Variants in GOLGB1 observed in about 807,000 individuals in gnomAD.
GOLGB1 encodes golgin B1.
GOLGB1 carries 174 observed loss-of-function variants against 336.9 expected under a neutral mutation model. The ratio of observed to expected loss-of-function variants is 0.52; its 90% CI spans 0.46 to 0.59. GOLGB1 has a LOEUF of 0.59. Ranked by LOEUF, GOLGB1 falls within the 20% of genes least tolerant of loss-of-function variation. The pLI, the probability that GOLGB1 is intolerant of heterozygous loss-of-function variation, is 0.00. For missense variants in GOLGB1, 3,331 were observed against 3,645.3 expected, an observed-to-expected ratio of 0.91 and a Z score of 2.22; for synonymous variants, 1,208 against 1,289.2, an observed-to-expected ratio of 0.94 and a Z score of 1.35.
chr3:121,733,062 G>C (rs569330840), intron 1 of GOLGB1, among the ~76,000 whole-genome samples: 1 of 151,962 alleles, frequency 6.6e-6, no homozygotes, highest in Non-Finnish European at 1.5e-5. Context: ...GGTAGCTCAC[G>C]CCTGTAATCC....
chr3:121,744,036 C>A (rs930537595), intron 1 of GOLGB1, among the ~76,000 whole-genome samples: 6 of 152,056 alleles, frequency 3.9e-5, no homozygotes, highest in African/African-American at 1.4e-4. Context: ...TTCTGATTGA[C>A]CCTCCCTAGA....
rs755658970 is a variant in GOLGB1 at position 121,673,686 on chromosome 3, G to GCTATCTATCCATCTATCTAT, written c.9177+3206_9177+3207insATAGATAGATGGATAGATAG. On this transcript the variant is annotated intron_variant, in intron 17 of 21. Transcript: ENST00000614479. Reference sequence around the variant, plus strand: ...CTTTGTAGCTATTATAAATGGGATTGCTATCTATCTATCTATCTATCTATC... The same window carrying GCTATCTATCCATCTATCTAT: ...CTTTGTAGCTATTATAAATGGGATTGCTATCTATCCATCTATCTATCTATCTATCTATCTATCTATCTATC... 3.4e-5 allele frequency among the ~76,000 whole-genome samples: 5 copies of GCTATCTATCCATCTATCTAT among 145,564 alleles called. No individual in the cohort carries two copies. The South Asian group carries it at 1.1e-3, about 32-fold the overall frequency.
chr3:121,667,364 T>G, intron 20 of GOLGB1, 112 bp downstream of exon 20: 2 of 1,121,968 alleles, frequency 1.8e-6, no homozygotes, highest in Non-Finnish European at 2.5e-6. Context: ...TTGCAGCAAC[T>G]ACCTCAAGAT....
At position 121,730,122 on chromosome 3, in the gene GOLGB1, T is replaced by G. The variant is rs1576455005; in HGVS notation, c.97-105A>C. Reference sequence around the variant, plus strand: ...TTATGTTTTGCCCAATTCATATTCTTGTTAACTTAAGAATCTAACTCTGAT... The same window carrying G: ...TTATGTTTTGCCCAATTCATATTCTGGTTAACTTAAGAATCTAACTCTGAT... On this transcript the variant is annotated intron_variant, in intron 2 of 21. Coordinates refer to ENST00000614479, the MANE Select transcript of GOLGB1 (RefSeq NM_001366282.2). 4 of 684,544 alleles carry G rather than the reference T, an allele frequency of 5.8e-6. No homozygotes were observed. In the East Asian group the frequency reaches 1.1e-4, roughly 18 times the overall value. 42.4% of individuals were successfully genotyped at this position (684,544 alleles called of 1,614,324 possible).
chr3:121,721,987 C>T (rs1945229915), intron 6 of GOLGB1, among the ~76,000 whole-genome samples: 1 of 152,170 alleles, frequency 6.6e-6, no homozygotes, highest in Non-Finnish European at 1.5e-5. Flanking sequence ...AGTTTCTGGA[C>T]ATGCAGAACT....
Position 121,695,078 on chromosome 3 carries a change from T to C in GOLGB1, c.5445A>G (p.Thr1815=). 6.2e-7 allele frequency: 1 copy of C among 1,614,148 alleles called. No homozygotes were observed. ...TCGCTGATGGAACCGATTCTGAACA[T>C]GTAGGTCTTGTGCTCATACTCAGAG... ...QDSLSMSTRP[T]CSESVPSAKS... The change falls in exon 13 of 22, where the codon ACA becomes ACG. Residue 1815 remains threonine (T), a synonymous_variant. Coordinates refer to ENST00000614479, the MANE Select transcript of GOLGB1 (RefSeq NM_001366282.2).
intron 1 of GOLGB1, among the ~76,000 whole-genome samples, chr3:121,731,466 C>T (rs1207282588): frequency 1.3e-5 from 2 of 151,786 alleles, no homozygotes; most frequent in African/African-American, 2.4e-5. Context: ...TGGGCTCAAG[C>T]GATCCTGCCA....
chr3:121,685,285 C>G (rs1384210609), intron 14 of GOLGB1, among the ~76,000 whole-genome samples: 1 of 152,040 alleles, frequency 6.6e-6, no homozygotes, highest in African/African-American at 2.4e-5. Flanking sequence ...GCCTGTAATC[C>G]CAACACTTTG....
chr3:121,668,672 CAAAAAAAAAAAAA>C (rs138891151), intron 18 of GOLGB1, among the ~76,000 whole-genome samples: 1 of 66,630 alleles, frequency 1.5e-5, no homozygotes, highest in East Asian at 4.8e-4. Context: ...GACTCCGTCT[CAAAAAAAAAAAAA>C]AAAAAAAAAA....
At chr3:121,712,299 C>T (rs1171639516) in intron 10 of GOLGB1, among the ~76,000 whole-genome samples, 2 of 151,944 alleles carry the variant, frequency 1.3e-5, no homozygotes, top group Non-Finnish European at 2.9e-5. Flanking sequence ...ACAACACACA[C>T]AAAAATTCAT....
At position 121,667,504 on chromosome 3, in the gene GOLGB1, G is replaced by A. The variant is rs1337107489; in HGVS notation, c.9526C>T (p.Leu3176Phe). Residue 3176 changes from leucine to phenylalanine, a missense_variant, in exon 20 of 22, where the codon CTC becomes TTC. By Grantham distance (22) the Leu-to-Phe change is conservative. Transcript: ENST00000614479. ...RDQRVAAENA[L>F]SVAEEQIRRL... ...CTGATCTGCTCCTCGGCCACAGAGAGAGCATTCTCAGCAGCCACTCTTTGG... is the reference window on the plus strand; with the variant it reads ...CTGATCTGCTCCTCGGCCACAGAGAAAGCATTCTCAGCAGCCACTCTTTGG... 1.9e-6 allele frequency: 3 copies of A among 1,613,982 alleles called. No homozygotes were observed.
chr3:121,718,763 A>T (rs919986052), intron 7 of GOLGB1, among the ~76,000 whole-genome samples: 1 of 152,144 alleles, frequency 6.6e-6, no homozygotes. Context: ...AAAAATTAGA[A>T]AAAACAATAA....
chr3:121,718,523 C>A (rs1944943758), intron 7 of GOLGB1, 22 bp from the exon 8 acceptor site: 2 of 1,417,576 alleles, frequency 1.4e-6, no homozygotes, highest in Non-Finnish European at 2.0e-6. Context: ...ACATTTTAGA[C>A]ATAATATGCT....
At chr3:121,710,366 T>C (rs973628820) in intron 10 of GOLGB1, among the ~76,000 whole-genome samples, 4 of 152,066 alleles carry the variant, frequency 2.6e-5, no homozygotes, top group Non-Finnish European at 5.9e-5. Flanking sequence ...CAAAACCTGA[T>C]AAAGATATCA....
Position 121,719,668 on chromosome 3 carries a change from T to C in GOLGB1, c.749A>G (p.Asp250Gly), listed in dbSNP as rs370575838. The change falls in exon 7 of 22, where the codon GAT (aspartate) becomes GGT (glycine). Residue 250 changes from aspartate to glycine, a missense_variant. By Grantham distance (94) the Asp-to-Gly change is moderately conservative. Coordinates refer to ENST00000614479, the MANE Select transcript of GOLGB1 (RefSeq NM_001366282.2). The part of the protein sequence containing the change: ...DELLQLVTQA[D>G]VETEMQQKLR... ...CACCTGTTGCATCTCTGTTTCCACA[T>C]CTGCCTGGGTTACTAACTGAAGAAG... 4 of 1,609,744 alleles carry C rather than the reference T, an allele frequency of 2.5e-6. No homozygotes were observed. In the African/African-American group the frequency reaches 5.4e-5, roughly 22 times the overall value.
In GOLGB1 at chr3:121,698,579, T is replaced by C. The variant is rs1943144910; in HGVS notation, c.1944A>G (p.Glu648=). 1 of 1,613,818 alleles carries C rather than the reference T, an allele frequency of 6.2e-7. No homozygotes were observed. The highest frequency in any genetic ancestry group is 1.3e-5 in the African/African-American group (1 of 74,922). The change falls in exon 13 of 22, where the codon GAA becomes GAG. Residue 648 remains glutamate (E), a synonymous_variant. Transcript: ENST00000614479. ...TTTCCTCAGATGTTCTACTTTGATG[T>C]TCAGTGCTCGCCTGTTCTTTTTCAA... ...PAVEKEQAST[E]HQSRTSEEIS...
intron 17 of GOLGB1, among the ~76,000 whole-genome samples, chr3:121,671,664 C>T (rs1939555072): frequency 6.6e-6 from 1 of 152,128 alleles, no homozygotes; most frequent in Non-Finnish European, 1.5e-5. Flanking sequence ...TTCTTCTCTT[C>T]TAGCTATTTT....
At chr3:121,684,127 CAAAAAAAAAAA>C (rs61510295) in intron 14 of GOLGB1, among the ~76,000 whole-genome samples, 1 of 10,912 alleles carries the variant, frequency 9.2e-5, no homozygotes, top group South Asian at 3.7e-3. Context: ...GACGCCGTCT[CAAAAAAAAAAA>C]AAAAAAAAAA....
Position 121,698,869 on chromosome 3 carries a change from C to T in GOLGB1, c.1654G>A (p.Val552Ile), listed in dbSNP as rs754882868. The T allele has an allele frequency of 1.9e-6, 3 of 1,608,454 alleles. No homozygotes were observed. Among genetic ancestry groups the T allele is most frequent in the Non-Finnish European group, 1.7e-6 (2 of 1,176,224 alleles). ...TTCTGAGAAAATGTGTTTTCTAGAA[C>T]ATCTTGTCCACTTTCCTCAGCAGAA... ...SSSAEESGQD[V>I]LENTFSQKHK... Residue 552 changes from valine to isoleucine, a missense_variant, in exon 13 of 22, where the codon GTT (valine) becomes ATT (isoleucine). Val to Ile is a conservative substitution (Grantham distance 29). Coordinates refer to ENST00000614479, the MANE Select transcript of GOLGB1 (RefSeq NM_001366282.2).
Sources: allele counts gnomAD v4.1 joint callset (sites outside exome capture counted in the v4.1 genomes callset), GRCh38; gene constraint gnomAD v4.1.1; transcripts MANE v1.5; gene names NCBI Gene and HGNC (gene_info 2026-07-23, HGNC 2026-07-21).